Variants in PKNOX1 observed in about 807,000 individuals in gnomAD.
PKNOX1 encodes homeobox protein PKNOX1.
A neutral mutation model predicts 51.9 loss-of-function variants in PKNOX1; 15 were observed. The observed-to-expected ratio is 0.29, with a 90% confidence interval of 0.19 to 0.45. The LOEUF is 0.45. Ranked by LOEUF, PKNOX1 falls within the 20% of genes least tolerant of loss-of-function variation. PKNOX1 has a pLI of 1.00. For missense variants in PKNOX1, 462 were observed against 547.5 expected, an observed-to-expected ratio of 0.84 and a Z score of 1.56; for synonymous variants, 219 against 211.1, an observed-to-expected ratio of 1.04 and a Z score of -0.32.
At chr21:43,000,789 G>A (rs1299315318) in intron 1 of PKNOX1, among the ~76,000 whole-genome samples, 1 of 152,166 alleles carries the variant, frequency 6.6e-6, no homozygotes, top group Non-Finnish European at 1.5e-5. Context: ...GGGCTGTGGT[G>A]GGAGCATCTC....
At chr21:42,982,137 C>T (rs35348720) in intron 1 of PKNOX1, among the ~76,000 whole-genome samples, 5,797 of 152,268 alleles carry the variant, frequency 0.038, 139 homozygotes, top group Middle Eastern at 0.061. Flanking sequence ...ACCTACCAGG[C>T]GCTGACCTTC....
intron 1 of PKNOX1, among the ~76,000 whole-genome samples, chr21:43,003,458 G>T (rs770973235): frequency 2.0e-5 from 3 of 152,136 alleles, no homozygotes; most frequent in Non-Finnish European, 4.4e-5. Flanking sequence ...CTCCCTGAGC[G>T]CCTCTTTTCC....
At chr21:43,007,652 G>A (rs1979057315) in intron 3 of PKNOX1, 34 bp downstream of exon 3, 4 of 1,612,348 alleles carry the variant, frequency 2.5e-6, no homozygotes, top group Non-Finnish European at 3.4e-6. Context: ...GGGGGCCTCA[G>A]AGGAGTGAGG....
At chr21:42,990,371 G>A (rs1476886646) in intron 1 of PKNOX1, among the ~76,000 whole-genome samples, 1 of 152,200 alleles carries the variant, frequency 6.6e-6, no homozygotes, top group East Asian at 1.9e-4. Flanking sequence ...ACACTGCTAG[G>A]ATGCATCCTT....
chr21:43,019,829 A>T (rs1979675651), intron 7 of PKNOX1, among the ~76,000 whole-genome samples: 1 of 151,560 alleles, frequency 6.6e-6, no homozygotes. Flanking sequence ...GGCGTGAGCT[A>T]CTGCACCCAG....
chr21:43,019,554 T>C (rs1472149377), intron 7 of PKNOX1, among the ~76,000 whole-genome samples: 1 of 152,128 alleles, frequency 6.6e-6, no homozygotes, highest in Non-Finnish European at 1.5e-5. Flanking sequence ...ATTACTTTTG[T>C]TTTTCTGAGA....
In PKNOX1 at chr21:43,007,569, C is replaced by G. The variant is rs777678375; in HGVS notation, c.130C>G (p.Pro44Ala). The part of the protein sequence containing the change: ...EPDAEGVSPP[P>A]VESQTPMDVD... ...CGATGCAGAAGGAGTGAGCCCTCCC[C>G]CTGTGGAGTCTCAGACCCCGATGGA... is the stretch of plus-strand genomic sequence containing the variant. Residue 44 changes from proline (P) to alanine (A), a missense_variant, in exon 3 of 11, where the codon CCT (proline) becomes GCT (alanine). Pro to Ala is a conservative substitution (Grantham distance 27). Around this residue, in one of 5 missense-constraint regions of PKNOX1, gnomAD observed 129 missense variants for 133.4 expected, o/e 0.97. Transcript: ENST00000291547. 1.1e-5 allele frequency: 18 copies of G among 1,614,004 alleles called. No individual in the cohort carries two copies. The highest frequency in any genetic ancestry group is 3.3e-5 in the Admixed American group (2 of 59,998).
chr21:43,013,336 CT>C, intron 5 of PKNOX1, 98 bp downstream of exon 5: 1 of 919,470 alleles, frequency 1.1e-6, no homozygotes, highest in Non-Finnish European at 1.6e-6. Context: ...ACTGGGTCAT[CT>C]TTATGACTTT....
At chr21:43,027,966 T>C (rs2146296760) in intron 9 of PKNOX1, among the ~76,000 whole-genome samples, 1 of 152,328 alleles carries the variant, frequency 6.6e-6, no homozygotes, top group East Asian at 1.9e-4. Context: ...TGATTGTTGC[T>C]GCTCTCGTTC....
At chr21:43,015,168 C>T (rs1331794214) in intron 5 of PKNOX1, among the ~76,000 whole-genome samples, 3 of 152,272 alleles carry the variant, frequency 2.0e-5, no homozygotes, top group African/African-American at 7.2e-5. Flanking sequence ...CTTGCCTTGT[C>T]ACCGCCTTAG....
chr21:43,033,514 T>C lies in PKNOX1; in HGVS notation c.*3413T>C, dbSNP rs757268940. 2.6e-5 allele frequency: 4 copies of C among 152,666 alleles called. No homozygotes were observed. Among genetic ancestry groups the C allele is most frequent in the African/African-American group, 4.8e-5 (2 of 41,458 alleles). The allele number at this position is 152,666 out of a possible 1,614,324, so 9.5% of individuals were successfully genotyped here. ...CAATATGTTTTCTTGGATTGTTGTC[T>C]TTAAAAAGGATTTTTGTGAAGCAAT... On this transcript the variant is annotated 3_prime_UTR_variant, in exon 11 of 11. Coordinates refer to ENST00000291547, the MANE Select transcript of PKNOX1 (RefSeq NM_004571.5).
intron 9 of PKNOX1, chr21:43,028,471 G>A (rs1394101713): frequency 3.9e-6 from 2 of 510,864 alleles, no homozygotes; most frequent in Admixed American, 3.6e-5. Flanking sequence ...TGCCATGGAC[G>A]AGTTGGTGCT....
intron 9 of PKNOX1, among the ~76,000 whole-genome samples, chr21:43,025,241 A>G (rs911023902): frequency 2.6e-5 from 4 of 152,214 alleles, no homozygotes; most frequent in African/African-American, 9.6e-5. Context: ...GGAATAAACC[A>G]GGTTCAACCT....
At chr21:42,988,685 C>T (rs940263569) in intron 1 of PKNOX1, among the ~76,000 whole-genome samples, 1 of 152,068 alleles carries the variant, frequency 6.6e-6, no homozygotes, top group African/African-American at 2.4e-5. Context: ...TTTCCGGTGG[C>T]TCCCATGCTT....
At chr21:42,993,659 GTT>G (rs1396808385) in intron 1 of PKNOX1, among the ~76,000 whole-genome samples, 3 of 12,566 alleles carry the variant, frequency 2.4e-4, no homozygotes, top group Non-Finnish European at 4.7e-4. Context: ...TGTTTTTTTT[GTT>G]TTTTTTTTTT....
chr21:42,977,007 A>G (rs2059000566), intron 1 of PKNOX1, among the ~76,000 whole-genome samples: 1 of 152,246 alleles, frequency 6.6e-6, no homozygotes, highest in South Asian at 2.1e-4. Context: ...ACATGAAGAC[A>G]GCATTCATCT....
intron 4 of PKNOX1, among the ~76,000 whole-genome samples, chr21:43,012,772 G>A (rs1020097754): frequency 6.6e-6 from 1 of 152,140 alleles, no homozygotes; most frequent in Non-Finnish European, 1.5e-5. Context: ...GCCACAGAGC[G>A]AATCAGTGGA....
In PKNOX1 at chr21:43,033,306, C is replaced by T. The variant is rs1161296607; in HGVS notation, c.*3205C>T. The T allele has an allele frequency of 6.6e-6, 1 of 152,550 alleles. No individual in the cohort carries two copies. The highest frequency in any genetic ancestry group is 6.5e-5 in the Admixed American group (1 of 15,278). The allele number at this position is 152,550 out of a possible 1,614,324, so 9.4% of individuals were successfully genotyped here. On this transcript the variant is annotated 3_prime_UTR_variant, in exon 11 of 11. Coordinates refer to ENST00000291547, the MANE Select transcript of PKNOX1 (RefSeq NM_004571.5). ...TGTGTGACCTGAGAGTGATCCATCT[C>T]CTGCCTGTGTGAGGTAGCAGTGGGC...
chr21:43,021,526 A>G lies in PKNOX1; in HGVS notation c.849+95A>G. 1 of 1,369,036 alleles carries G rather than the reference A, an allele frequency of 7.3e-7. No individual in the cohort carries two copies. Among genetic ancestry groups the G allele is most frequent in the Non-Finnish European group, 9.9e-7 (1 of 1,012,968 alleles). The allele number at this position is 1,369,036 out of a possible 1,614,324, so 84.8% of individuals were successfully genotyped here. On this transcript the variant is annotated intron_variant, in intron 8 of 10. Transcript: ENST00000291547. This position sits in a 1 kb window ranked among gnomAD's most constrained non-coding sequence, Gnocchi z 4.6. ...GGAAAAGGGTTACTTCTCTGGGCTCAGAAAATCAAAGGCCTGACTTTCAGG... is the reference window on the plus strand; with the variant it reads ...GGAAAAGGGTTACTTCTCTGGGCTCGGAAAATCAAAGGCCTGACTTTCAGG...
Sources: allele counts gnomAD v4.1 joint callset (sites outside exome capture counted in the v4.1 genomes callset), GRCh38; gene constraint gnomAD v4.1.1; regional missense constraint gnomAD v4.1.1; non-coding constraint Gnocchi (gnomAD v3.1); transcripts MANE v1.5; gene names NCBI Gene and HGNC (gene_info 2026-07-23, HGNC 2026-07-21).